KRT71: variants seen among roughly 807,000 people sequenced by gnomAD.
The protein encoded by KRT71 is keratin, type II cytoskeletal 71.
KRT71 carries 42 observed loss-of-function variants against 46.2 expected under a neutral mutation model. The ratio of observed to expected loss-of-function variants is 0.91; its 90% CI spans 0.71 to 1.18. The LOEUF is 1.18. Among genes scored for constraint, KRT71 ranks in the 50% most tolerant of loss-of-function variants. The pLI is 0.00. For missense variants in KRT71, 708 were observed against 677.9 expected (o/e 1.04, Z -0.49); for synonymous variants, 292 against 277.8 (o/e 1.05, Z -0.51).
Position 52,553,001 on chromosome 12 carries a change from C to T in KRT71, c.77G>A (p.Gly26Glu), listed in dbSNP as rs941419937. ...TGCCCGGAAGGAGGATGAGCTGCCC[C>T]CTGAGAGCACAGCTGAGCAGCCACT... Reference protein sequence around the residue: ...GFSGCSAVLSGGSSSSFRAGS... With the variant: ...GFSGCSAVLSEGSSSSFRAGS... Residue 26 changes from glycine to glutamate, a missense_variant, in exon 1 of 9, where the codon GGG becomes GAG. Physicochemically the swap from Gly to Glu is moderately conservative, Grantham distance 98 (BLOSUM62 -2). Coordinates refer to ENST00000267119, the MANE Select transcript of KRT71 (RefSeq NM_033448.3). The T allele has an allele frequency of 4.3e-6, 7 of 1,613,644 alleles. No individual in the cohort carries two copies. The highest frequency in any genetic ancestry group is 2.7e-5 in the African/African-American group (2 of 74,950).
Position 52,553,081 on chromosome 12 carries a change from G to A in KRT71, c.-4C>T. 1 of 1,569,524 alleles carries A rather than the reference G, an allele frequency of 6.4e-7. No individual in the cohort carries two copies. The highest frequency in any genetic ancestry group is 1.4e-5 in the African/African-American group (1 of 73,826). On this transcript the variant is annotated 5_prime_UTR_variant, in exon 1 of 9. Transcript: ENST00000267119. Reference sequence around the variant, plus strand: ...TGCAGGTGAATTGGCGGCTCATGTTGCTGGTGGAGACAAAGCTCAGATGCA... The same window carrying A: ...TGCAGGTGAATTGGCGGCTCATGTTACTGGTGGAGACAAAGCTCAGATGCA...
chr12:52,544,072 G>T lies in KRT71; in HGVS notation c.*460C>A, dbSNP rs550301672. 81 of 175,888 alleles carry T rather than the reference G, an allele frequency of 4.6e-4. 1 individual carries two copies. Among genetic ancestry groups the T allele is most frequent in the African/African-American group, 1.7e-3 (75 of 43,008 alleles). The allele number at this position is 175,888 out of a possible 1,614,324, so 10.9% of individuals were successfully genotyped here. On this transcript the variant is annotated 3_prime_UTR_variant, in exon 9 of 9. Coordinates refer to ENST00000267119, the MANE Select transcript of KRT71 (RefSeq NM_033448.3). Reference sequence around the variant, plus strand: ...AGATTTGAGACTGAGCTAGATGTGGGGGTGGGGACTGGGCCACTCTTGGTT... The same window carrying T: ...AGATTTGAGACTGAGCTAGATGTGGTGGTGGGGACTGGGCCACTCTTGGTT...
chr12:52,546,742 C>G (rs775073527), intron 6 of KRT71, among the ~76,000 whole-genome samples: 1 of 152,208 alleles, frequency 6.6e-6, no homozygotes, highest in Non-Finnish European at 1.5e-5. Flanking sequence ...CCCTCCTGAG[C>G]GCCACTTTAG....
At chr12:52,549,375 ATTGG>A in intron 2 of KRT71, 22 bp from the exon 3 acceptor site, 1 of 1,595,464 alleles carries the variant, frequency 6.3e-7, no homozygotes, top group Non-Finnish European at 8.6e-7. Flanking sequence ...GCGAGGGCTC[ATTGG>A]TTAATATCTC....
chr12:52,546,171 C>T, intron 7 of KRT71, 115 bp downstream of exon 7: 1 of 1,090,092 alleles, frequency 9.2e-7, no homozygotes. Context: ...TTTCTATCCT[C>T]ATCACCCCAT....
rs750236607 is a variant in KRT71 at position 52,553,030 on chromosome 12, G to GC, written c.47dup (p.Phe17LeufsTer93). 8 of 1,600,532 alleles carry GC rather than the reference G, an allele frequency of 5.0e-6. No homozygotes were observed. The Admixed American group carries it at 1.0e-4, about 21-fold the overall frequency. On this transcript the variant is annotated frameshift_variant, in exon 1 of 9. Coordinates refer to ENST00000267119, the MANE Select transcript of KRT71 (RefSeq NM_033448.3). LOFTEE classifies it high-confidence loss of function. ...AGAGCACAGCTGAGCAGCCACTGAA[G>GC]CCCCCCTTGGCGGCAGCTCCCGACT...
At position 52,552,883 on chromosome 12, in the gene KRT71, C is replaced by G; in HGVS notation, c.195G>C (p.Lys65Asn). 1 of 1,614,206 alleles carries G rather than the reference C, an allele frequency of 6.2e-7. No homozygotes were observed. Residue 65 changes from lysine (K) to asparagine (N), a missense_variant, in exon 1 of 9, where the codon AAG (lysine) becomes AAC (asparagine). By Grantham distance (94) the Lys-to-Asn change is moderately conservative. Transcript: ENST00000267119. ...RSLNVASGSG[K>N]SGGYGFGRGR... is the part of the protein sequence containing the mutation. ...CCCGGCCAAATCCATAGCCTCCACTCTTCCCGCTGCCACTGGCCACATTGA... is the reference window on the plus strand; with the variant it reads ...CCCGGCCAAATCCATAGCCTCCACTGTTCCCGCTGCCACTGGCCACATTGA...
rs749628607 is a variant in KRT71, at chr12:52,552,978, C to A, written c.100G>T (p.Ala34Ser). The change falls in exon 1 of 9, where the codon GCA (alanine) becomes TCA (serine). Residue 34 changes from alanine to serine, a missense_variant. Physicochemically the swap from Ala to Ser is moderately conservative, Grantham distance 99. Coordinates refer to ENST00000267119, the MANE Select transcript of KRT71 (RefSeq NM_033448.3). ...LSGGSSSSFR[A>S]GSKGLSGGFG... ...CCCCCACTGAGCCCTTTGCTCCCTG[C>A]CCGGAAGGAGGATGAGCTGCCCCCT... The A allele has an allele frequency of 3.1e-6, 5 of 1,614,186 alleles. No individual in the cohort carries two copies. The highest frequency in any genetic ancestry group is 4.2e-6 in the Non-Finnish European group (5 of 1,180,048).
rs776790188 is a variant in KRT71, at chr12:52,552,751, C to G, written c.327G>C (p.Glu109Asp). The G allele has an allele frequency of 5.0e-6, 8 of 1,614,058 alleles. No individual in the cohort carries two copies. Among genetic ancestry groups the G allele is most frequent in the Non-Finnish European group, 6.8e-6 (8 of 1,180,016 alleles). The change falls in exon 1 of 9, where the codon GAG (glutamate) becomes GAC (aspartate). Residue 109 changes from glutamate (E) to aspartate (D), a missense_variant. Physicochemically the swap from Glu to Asp is conservative, Grantham distance 45. Coordinates refer to ENST00000267119, the MANE Select transcript of KRT71 (RefSeq NM_033448.3). ...CCACGTTGAGGGGGGCCAGGAGGCT[C>G]TCATTGACGGTAACCTGGTGGATGC... ...PGGIHQVTVN[E>D]SLLAPLNVEL...
In KRT71 at chr12:52,548,141, G is replaced by T. The variant is rs567536516; in HGVS notation, c.978+11C>A. On this transcript the variant is annotated intron_variant, in intron 5 of 8. Transcript: ENST00000267119. Reference sequence around the variant, plus strand: ...CATCACCCTCCCTGGCCCCACCTCAGCCCAGCTCACCTTGGTCTGGTACAG... The same window carrying T: ...CATCACCCTCCCTGGCCCCACCTCATCCCAGCTCACCTTGGTCTGGTACAG... 6 of 1,611,834 alleles carry T rather than the reference G, an allele frequency of 3.7e-6. No individual in the cohort carries two copies. The highest frequency in any genetic ancestry group is 4.2e-6 in the Non-Finnish European group (5 of 1,178,702).
In KRT71 at chr12:52,546,288, G is replaced by A; in HGVS notation, c.1323C>T (p.Cys441=). ...TYRKLLESEE[C]RMSGEFPSPV... is the part of the protein sequence containing the mutation. ...CTGTCTGGGCACGCCCCGCCCACCT[G>A]CACTCCTCGCTCTCCAGTAGCTTGC... Residue 441 remains cysteine, a splice_region_variant and synonymous_variant, in exon 7 of 9, where the codon TGC becomes TGT. Transcript: ENST00000267119. The A allele has an allele frequency of 6.2e-7, 1 of 1,614,090 alleles. No individual in the cohort carries two copies. Among genetic ancestry groups the A allele is most frequent in the Non-Finnish European group, 8.5e-7 (1 of 1,179,996 alleles).
chr12:52,544,292 G>C lies in KRT71; in HGVS notation c.*240C>G. 1.7e-6 allele frequency: 1 copy of C among 580,366 alleles called. No homozygotes were observed. The highest frequency in any genetic ancestry group is 3.1e-6 in the Non-Finnish European group (1 of 323,058). 36.0% of individuals were successfully genotyped at this position (580,366 alleles called of 1,614,324 possible). A position where few individuals can be genotyped will look rare whatever the true frequency, so the allele number is the denominator to read the frequency against. On this transcript the variant is annotated 3_prime_UTR_variant, in exon 9 of 9. Coordinates refer to ENST00000267119, the MANE Select transcript of KRT71 (RefSeq NM_033448.3). ...GACCTGGGCTGGTGGTGTAGCTGGG[G>C]GACCACAGCCAAGGAGTTAATAGGG...
intron 3 of KRT71, among the ~76,000 whole-genome samples, chr12:52,549,066 G>T (rs1939113564): frequency 6.6e-6 from 1 of 152,212 alleles, no homozygotes; most frequent in Non-Finnish European, 1.5e-5. Flanking sequence ...TCTTCTCCGT[G>T]TTCAAACCAC....
Position 52,546,373 on chromosome 12 carries a change from C to A in KRT71, c.1238G>T (p.Arg413Leu). ...CAGGCTCATGAGCTCCTGGTACTCG[C>A]GCAGCATCCGCGCCAGCTCCTCCTT... ...QAKEELARML[R>L]EYQELMSLKL... The change falls in exon 7 of 9, where the codon CGC (arginine) becomes CTC (leucine). Residue 413 changes from arginine to leucine, a missense_variant. Arg to Leu is a moderately radical substitution (Grantham distance 102, BLOSUM62 -2). Transcript: ENST00000267119. 1 of 1,614,202 alleles carries A rather than the reference C, an allele frequency of 6.2e-7. No homozygotes were observed. Among genetic ancestry groups the A allele is most frequent in the African/African-American group, 1.3e-5 (1 of 75,056 alleles).
intron 7 of KRT71, 108 bp from the exon 8 acceptor site, chr12:52,545,707 A>C: frequency 1.5e-6 from 1 of 673,976 alleles, no homozygotes; most frequent in Admixed American, 2.8e-5. Context: ...CCCAACAGGC[A>C]CCTGTGGAAA....
At position 52,552,933 on chromosome 12, in the gene KRT71, A is replaced by G. The variant is rs563981297; in HGVS notation, c.145T>C (p.Tyr49His). ...AGGCTCCGGACACCCCCCAGGCTGT[A>G]GAGGCTCCGGCTGCCAAAGCCCCCA... The part of the protein sequence containing the change: ...LSGGFGSRSL[Y>H]SLGGVRSLNV... Residue 49 changes from tyrosine (Y) to histidine (H), a missense_variant, in exon 1 of 9, where the codon TAC becomes CAC. Coordinates refer to ENST00000267119, the MANE Select transcript of KRT71 (RefSeq NM_033448.3). The G allele has an allele frequency of 9.3e-6, 15 of 1,614,052 alleles. No homozygotes were observed. In the Admixed American group the frequency reaches 2.5e-4, roughly 27 times the overall value.
rs1939205662 is a variant in KRT71 at position 52,553,091 on chromosome 12, A to G, written c.-14T>C. 2 of 1,562,582 alleles carry G rather than the reference A, an allele frequency of 1.3e-6. No individual in the cohort carries two copies. The highest frequency in any genetic ancestry group is 1.9e-5 in the Admixed American group (1 of 53,984). ...TTGGCGGCTCATGTTGCTGGTGGAG[A>G]CAAAGCTCAGATGCAGGAGGGAGGA... On this transcript the variant is annotated 5_prime_UTR_variant, in exon 1 of 9. Transcript: ENST00000267119.
Position 52,553,016 on chromosome 12 carries a change from G to C in KRT71, c.62C>G (p.Ser21Ter). The C allele has an allele frequency of 6.2e-7, 1 of 1,610,110 alleles. No individual in the cohort carries two copies. Among genetic ancestry groups the C allele is most frequent in the Non-Finnish European group, 8.5e-7 (1 of 1,177,714 alleles). ...TGAGCTGCCCCCTGAGAGCACAGCT[G>C]AGCAGCCACTGAAGCCCCCCTTGGC... The part of the protein sequence containing the change: ...AAAKGGFSGC[S>*]AVLSGGSSSS... Residue 21 changes from serine to a stop codon, truncating the protein, a stop_gained, in exon 1 of 9, where the codon TCA (serine) becomes TGA (stop). Coordinates refer to ENST00000267119, the MANE Select transcript of KRT71 (RefSeq NM_033448.3). LOFTEE classifies it high-confidence loss of function.
At chr12:52,547,777 C>T in intron 6 of KRT71, 80 bp downstream of exon 6, 1 of 1,539,880 alleles carries the variant, frequency 6.5e-7, no homozygotes, top group South Asian at 1.2e-5. Context: ...ATCTGGGAGG[C>T]CCATGTTCTC....
Sources: gnomAD v4.1 joint callset for allele counts (sites outside exome capture counted in the v4.1 genomes callset) on GRCh38, gnomAD v4.1.1 for gene constraint, MANE v1.5 for transcripts, NCBI Gene and HGNC (gene_info 2026-07-23, HGNC 2026-07-21) for gene names.